Variants in ZFPM2 observed in about 807,000 individuals in gnomAD.
The protein encoded by ZFPM2 is zinc finger protein ZFPM2.
In ZFPM2, 20 loss-of-function variants were observed where a neutral mutation model predicts 98.6. That is an observed-to-expected ratio of 0.20 (90% CI 0.14 to 0.29). ZFPM2 has a LOEUF of 0.29. Ranked by LOEUF, ZFPM2 falls within the 10% of genes least tolerant of loss-of-function variation. The probability of loss-of-function intolerance (pLI) is 1.00; values close to 1 mark genes in which losing one functional copy is unlikely to be tolerated. For missense variants in ZFPM2, 1,310 were observed against 1,388.6 expected (o/e 0.94, Z 0.90); for synonymous variants, 518 against 502.7 (o/e 1.03, Z -0.41).
chr8:105,464,696 C>A (rs1304150804), intron 3 of ZFPM2, among the ~76,000 whole-genome samples: 2 of 151,528 alleles, frequency 1.3e-5, no homozygotes, highest in African/African-American at 4.9e-5. Flanking sequence ...TAGTTCCAGC[C>A]GAGATCAAAG....
chr8:105,339,314 G>GA (rs1275504211), intron 1 of ZFPM2, among the ~76,000 whole-genome samples: 3 of 151,562 alleles, frequency 2.0e-5, no homozygotes, highest in Non-Finnish European at 4.4e-5. Context: ...TCTTAATTAA[G>GA]AAAAACACCA....
chr8:105,417,638 C>G (rs1811705006), intron 1 of ZFPM2, among the ~76,000 whole-genome samples: 1 of 152,020 alleles, frequency 6.6e-6, no homozygotes, highest in African/African-American at 2.4e-5. Flanking sequence ...CTTTGCTTGT[C>G]TTGCTCTTTG....
chr8:105,671,688 C>A (rs1185449803), intron 5 of ZFPM2, among the ~76,000 whole-genome samples: 3 of 151,856 alleles, frequency 2.0e-5, no homozygotes, highest in African/African-American at 2.4e-5. Flanking sequence ...TTTTTAATCA[C>A]TGTATATCTT....
chr8:105,578,092 T>A (rs1381062950), intron 4 of ZFPM2, among the ~76,000 whole-genome samples: 1 of 152,134 alleles, frequency 6.6e-6, no homozygotes, highest in Non-Finnish European at 1.5e-5. Flanking sequence ...AAATCCTACA[T>A]ACCACTCAAG....
intron 1 of ZFPM2, among the ~76,000 whole-genome samples, chr8:105,406,650 C>T (rs990166703): frequency 6.6e-6 from 1 of 151,972 alleles, no homozygotes; most frequent in African/African-American, 2.4e-5. Flanking sequence ...AATGTGGGAT[C>T]TGTCTTAGAA....
intron 4 of ZFPM2, among the ~76,000 whole-genome samples, chr8:105,564,550 T>C (rs1397360691): frequency 6.6e-6 from 1 of 152,042 alleles, no homozygotes; most frequent in African/African-American, 2.4e-5. Flanking sequence ...TGGAAATAGA[T>C]TAGCTCATTT....
chr8:105,349,858 A>G (rs1344911739), intron 1 of ZFPM2, among the ~76,000 whole-genome samples: 1 of 152,184 alleles, frequency 6.6e-6, no homozygotes, highest in East Asian at 1.9e-4. Flanking sequence ...AATATTTTTC[A>G]TCTTTCTACA....
intron 5 of ZFPM2, among the ~76,000 whole-genome samples, chr8:105,682,864 C>A (rs912638195): frequency 6.6e-6 from 1 of 152,104 alleles, no homozygotes; most frequent in Admixed American, 6.6e-5. Context: ...GCACAAGAGT[C>A]AGTTCAGTTC....
Position 105,801,522 on chromosome 8 carries a change from C to T in ZFPM2, c.1440C>T (p.Ala480=). The part of the protein sequence containing the change: ...IKSEPSSPRL[A]SSPVQPNIGP... ...CTGAGCCCTCTAGCCCAAGACTTGC[C>T]TCATCTCCAGTTCAGCCTAATATTG... The change falls in exon 8 of 8, where the codon GCC becomes GCT. Residue 480 remains alanine, a synonymous_variant. Transcript: ENST00000407775. 2 of 1,613,956 alleles carry T rather than the reference C, an allele frequency of 1.2e-6. No individual in the cohort carries two copies. The highest frequency in any genetic ancestry group is 8.5e-7 in the Non-Finnish European group (1 of 1,179,866).
intron 3 of ZFPM2, among the ~76,000 whole-genome samples, chr8:105,551,757 A>G (rs1288409424): frequency 2.0e-5 from 3 of 152,150 alleles, no homozygotes; most frequent in Non-Finnish European, 4.4e-5. Flanking sequence ...TCTAATCACA[A>G]CTGAAGTCTA....
chr8:105,640,370 A>G (rs1816927803), intron 5 of ZFPM2, among the ~76,000 whole-genome samples: 1 of 152,024 alleles, frequency 6.6e-6, no homozygotes, highest in Non-Finnish European at 1.5e-5. Flanking sequence ...AGTGGCAGCA[A>G]TAGTTTATGC....
intron 2 of ZFPM2, among the ~76,000 whole-genome samples, chr8:105,433,843 C>A (rs1392238084): frequency 3.3e-5 from 5 of 152,188 alleles, no homozygotes; most frequent in Non-Finnish European, 7.3e-5. Flanking sequence ...CCCTGGACCA[C>A]TGTTATCAAC....
chr8:105,330,636 A>G (rs1812215316), intron 1 of ZFPM2, among the ~76,000 whole-genome samples: 1 of 99,640 alleles, frequency 1.0e-5, no homozygotes, highest in Non-Finnish European at 2.0e-5. Flanking sequence ...ATATATACAT[A>G]TATATATATA....
chr8:105,383,652 A>G (rs1470853372), intron 1 of ZFPM2, among the ~76,000 whole-genome samples: 2 of 152,112 alleles, frequency 1.3e-5, no homozygotes, highest in Non-Finnish European at 2.9e-5. Context: ...AGATTTACCT[A>G]ATACATCTTA....
chr8:105,613,263 G>C (rs1031796656), intron 4 of ZFPM2, among the ~76,000 whole-genome samples: 4 of 152,076 alleles, frequency 2.6e-5, no homozygotes, highest in Admixed American at 1.3e-4. Context: ...GGAGAGGAGA[G>C]TGGGGAGGTG....
In ZFPM2 at chr8:105,804,352, G is replaced by A. The variant is rs1055093233; in HGVS notation, c.*814G>A. 6.6e-6 allele frequency: 1 copy of A among 152,652 alleles called. No individual in the cohort carries two copies. The highest frequency in any genetic ancestry group is 2.4e-5 in the African/African-American group (1 of 41,550). The allele number at this position is 152,652 out of a possible 1,614,324, so 9.5% of individuals were successfully genotyped here. ...TCTTTTGAAAGGCACAGTCTAAATC[G>A]AAACCCTAAACTCAATGCTGCAAGT... is the stretch of plus-strand genomic sequence containing the variant. On this transcript the variant is annotated 3_prime_UTR_variant, in exon 8 of 8. Coordinates refer to ENST00000407775, the MANE Select transcript of ZFPM2 (RefSeq NM_012082.4).
At chr8:105,637,789 A>G (rs746133100) in intron 5 of ZFPM2, among the ~76,000 whole-genome samples, 6 of 152,176 alleles carry the variant, frequency 3.9e-5, no homozygotes, top group Admixed American at 6.6e-5. Context: ...ATGTATGATA[A>G]GACTCCTCAA....
intron 3 of ZFPM2, among the ~76,000 whole-genome samples, chr8:105,531,940 G>A (rs1814305663): frequency 6.6e-6 from 1 of 151,962 alleles, no homozygotes; most frequent in Non-Finnish European, 1.5e-5. Context: ...TTGCTCTGTT[G>A]CCCAGGCTGG....
intron 5 of ZFPM2, among the ~76,000 whole-genome samples, chr8:105,687,746 A>G (rs1426413126): frequency 2.6e-5 from 4 of 152,172 alleles, no homozygotes; most frequent in Admixed American, 6.5e-5. Context: ...CCTGAACTTG[A>G]AGGAAATTAG....
Sources: allele counts gnomAD v4.1 joint callset (sites outside exome capture counted in the v4.1 genomes callset), GRCh38; gene constraint gnomAD v4.1.1; transcripts MANE v1.5; gene names NCBI Gene and HGNC (gene_info 2026-07-23, HGNC 2026-07-21).